The following PPP1R3A variants were observed in gnomAD, a reference collection of about 807,000 sequenced individuals.
The protein encoded by PPP1R3A is protein phosphatase 1 regulatory subunit 3A.
A neutral mutation model predicts 41.7 loss-of-function variants in PPP1R3A; 29 were observed. That is an observed-to-expected ratio of 0.70 (90% CI 0.52 to 0.95). PPP1R3A has a LOEUF of 0.95. Ranked by LOEUF, PPP1R3A falls within the 40% of genes least tolerant of loss-of-function variation. PPP1R3A has a pLI of 0.00. For synonymous variants in PPP1R3A, 485 were observed against 453.4 expected (o/e 1.07, Z -0.89); for missense variants, 1,352 against 1,292.4 (o/e 1.05, Z -0.71).
chr7:113,888,274 T>C (rs1443513548), intron 1 of PPP1R3A, among the ~76,000 whole-genome samples: 1 of 152,044 alleles, frequency 6.6e-6, no homozygotes, highest in Non-Finnish European at 1.5e-5. Flanking sequence ...ACCAACGTAT[T>C]TCTGGAGGTA....
rs747922615 is a variant in PPP1R3A, at chr7:113,918,776, A to G, written c.221T>C (p.Leu74Pro). The change falls in exon 1 of 4, where the codon CTT becomes CCT. Residue 74 changes from leucine to proline, a missense_variant. Transcript: ENST00000284601. Reference protein sequence around the residue: ...VSFADSFGFNLVSVKEFDCWE... With the variant: ...VSFADSFGFNPVSVKEFDCWE... ...GCAATCAAATTCTTTAACAGACACAAGATTGAATCCAAAGGAATCAGCAAA... is the reference window on the plus strand; with the variant it reads ...GCAATCAAATTCTTTAACAGACACAGGATTGAATCCAAAGGAATCAGCAAA... 5.6e-6 allele frequency: 9 copies of G among 1,613,946 alleles called. No homozygotes were observed. Among genetic ancestry groups the G allele is most frequent in the Non-Finnish European group, 6.8e-6 (8 of 1,179,888 alleles).
intron 1 of PPP1R3A, among the ~76,000 whole-genome samples, chr7:113,885,754 T>A (rs1322264092): frequency 3.3e-5 from 5 of 150,770 alleles, no homozygotes; most frequent in South Asian, 2.1e-4. Context: ...GACATTCTTT[T>A]TATTAAGCTA....
intron 1 of PPP1R3A, among the ~76,000 whole-genome samples, chr7:113,911,458 G>T (rs564787291): frequency 7.2e-5 from 11 of 152,172 alleles, no homozygotes; most frequent in East Asian, 3.9e-4. Context: ...TAGAAGAAGA[G>T]AATTATATAA....
intron 1 of PPP1R3A, among the ~76,000 whole-genome samples, chr7:113,915,559 A>G (rs528258669): frequency 6.7e-6 from 1 of 148,824 alleles, no homozygotes; most frequent in African/African-American, 2.4e-5. Context: ...ATATACATAT[A>G]TACATATACA....
intron 1 of PPP1R3A, among the ~76,000 whole-genome samples, chr7:113,908,413 T>C (rs1797182447): frequency 6.6e-6 from 1 of 151,908 alleles, no homozygotes; most frequent in African/African-American, 2.4e-5. Flanking sequence ...TGGGCAGTAT[T>C]ACACTGCTTC....
chr7:113,905,803 G>A (rs1229922630), intron 1 of PPP1R3A, among the ~76,000 whole-genome samples: 2 of 151,800 alleles, frequency 1.3e-5, no homozygotes, highest in Non-Finnish European at 2.9e-5. Context: ...ATAAGCGTCA[G>A]CACTAATATG....
chr7:113,890,669 AATC>A (rs1300794490), intron 1 of PPP1R3A, among the ~76,000 whole-genome samples: 1 of 152,128 alleles, frequency 6.6e-6, no homozygotes, highest in Non-Finnish European at 1.5e-5. Context: ...AGAATAGACC[AATC>A]ATCATCTGTG....
chr7:113,914,256 A>C (rs1797302802), intron 1 of PPP1R3A, among the ~76,000 whole-genome samples: 1 of 152,132 alleles, frequency 6.6e-6, no homozygotes, highest in Non-Finnish European at 1.5e-5. Context: ...TTGACAGGTG[A>C]ATAAACTGAG....
intron 1 of PPP1R3A, among the ~76,000 whole-genome samples, chr7:113,883,512 G>A (rs1361627735): frequency 3.3e-5 from 5 of 151,176 alleles, no homozygotes; most frequent in Non-Finnish European, 7.4e-5. Context: ...ATTTTTAGTG[G>A]GCCCACATAT....
chr7:113,897,591 T>C (rs1307634291), intron 1 of PPP1R3A, among the ~76,000 whole-genome samples: 1 of 150,780 alleles, frequency 6.6e-6, no homozygotes, highest in Admixed American at 6.6e-5. Context: ...GTTATGCAAA[T>C]TATGTAGGAA....
At chr7:113,890,933 T>G (rs1796870690) in intron 1 of PPP1R3A, among the ~76,000 whole-genome samples, 1 of 151,986 alleles carries the variant, frequency 6.6e-6, no homozygotes, top group African/African-American at 2.4e-5. Context: ...CATCCCATCA[T>G]TTTATAGAGA....
chr7:113,913,303 C>A (rs1797282532), intron 1 of PPP1R3A, among the ~76,000 whole-genome samples: 1 of 152,138 alleles, frequency 6.6e-6, no homozygotes. Context: ...ACAGCTCTGA[C>A]TGAAACACAC....
intron 1 of PPP1R3A, among the ~76,000 whole-genome samples, chr7:113,914,529 G>A (rs1375864092): frequency 6.6e-6 from 1 of 152,002 alleles, no homozygotes; most frequent in African/African-American, 2.4e-5. Context: ...TTAAAATCTT[G>A]CAAGAGACAA....
intron 1 of PPP1R3A, among the ~76,000 whole-genome samples, chr7:113,906,415 A>G (rs996939778): frequency 6.6e-6 from 1 of 151,832 alleles, no homozygotes; most frequent in Non-Finnish European, 1.5e-5. Flanking sequence ...AGGAGTTGGC[A>G]AAGGTAAATT....
intron 1 of PPP1R3A, among the ~76,000 whole-genome samples, chr7:113,908,484 A>G (rs1305658095): frequency 6.6e-6 from 1 of 151,964 alleles, no homozygotes; most frequent in East Asian, 1.9e-4. Context: ...GTATATATTC[A>G]TTGATAGAAC....
At chr7:113,915,268 G>T (rs1797319478) in intron 1 of PPP1R3A, among the ~76,000 whole-genome samples, 1 of 151,980 alleles carries the variant, frequency 6.6e-6, no homozygotes, top group African/African-American at 2.4e-5. Context: ...AAAACATAAT[G>T]CCTGGGTGGG....
At chr7:113,887,112 AAAT>A (rs1796797450) in intron 1 of PPP1R3A, among the ~76,000 whole-genome samples, 2 of 152,218 alleles carry the variant, frequency 1.3e-5, no homozygotes, top group South Asian at 4.1e-4. Context: ...TAATTTCAGA[AAAT>A]AATCTAATAT....
chr7:113,887,678 G>T (rs905256388), intron 1 of PPP1R3A, among the ~76,000 whole-genome samples: 2 of 152,120 alleles, frequency 1.3e-5, no homozygotes, highest in African/African-American at 4.8e-5. Flanking sequence ...TTCCCAATTA[G>T]AAAAGAATAC....
chr7:113,891,113 AAC>A (rs1796879242), intron 1 of PPP1R3A, among the ~76,000 whole-genome samples: 1 of 149,932 alleles, frequency 6.7e-6, no homozygotes, highest in African/African-American at 2.4e-5. Context: ...AAAAAAAAAA[AAC>A]CCTGCATGCA....
Sources: allele counts gnomAD v4.1 joint callset (sites outside exome capture counted in the v4.1 genomes callset), GRCh38; gene constraint gnomAD v4.1.1; transcripts MANE v1.5; gene names NCBI Gene and HGNC (gene_info 2026-07-23, HGNC 2026-07-21).